Variants in LNX1 observed in about 807,000 individuals in gnomAD.
LNX1 encodes the protein E3 ubiquitin-protein ligase LNX.
LNX1 carries 54 observed loss-of-function variants against 68.4 expected under a neutral mutation model. The observed-to-expected ratio is 0.79, with a 90% CI of 0.63 to 0.99. The LOEUF (loss-of-function observed/expected upper bound fraction) is 0.99. Ranked by LOEUF, LNX1 falls within the 50% of genes least tolerant of loss-of-function variation. The probability of loss-of-function intolerance (pLI) is 0.00; values close to 1 mark genes in which losing one functional copy is unlikely to be tolerated. For missense variants in LNX1, 906 were observed against 926.4 expected (o/e 0.98, Z 0.29); for synonymous variants, 336 against 350.0 (o/e 0.96, Z 0.45).
chr4:53,500,984 C>A (rs1286653312), intron 4 of LNX1, among the ~76,000 whole-genome samples: 5 of 152,100 alleles, frequency 3.3e-5, no homozygotes, highest in African/African-American at 1.2e-4. Context: ...ACCTAAACCG[C>A]TAGAGAATGT....
chr4:53,553,835 G>A (rs1309566790), intron 2 of LNX1, among the ~76,000 whole-genome samples: 3 of 152,174 alleles, frequency 2.0e-5, no homozygotes, highest in African/African-American at 7.2e-5. Context: ...AAGGCATCAG[G>A]TGACAATAAA....
chr4:53,569,690 G>T (rs1399726798), intron 2 of LNX1, among the ~76,000 whole-genome samples: 1 of 150,658 alleles, frequency 6.6e-6, no homozygotes, highest in Admixed American at 6.6e-5. Flanking sequence ...AAGAGCTTCT[G>T]CACAGCAAAA....
intron 2 of LNX1, among the ~76,000 whole-genome samples, chr4:53,515,275 C>A (rs1579449414): frequency 6.6e-6 from 1 of 152,198 alleles, no homozygotes; most frequent in South Asian, 2.1e-4. Context: ...TAGCTGCGGG[C>A]AAGTTGTGGC....
chr4:53,465,248 C>A (rs1722587638), intron 9 of LNX1, among the ~76,000 whole-genome samples: 1 of 152,136 alleles, frequency 6.6e-6, no homozygotes, highest in African/African-American at 2.4e-5. Flanking sequence ...TCCTATCTTG[C>A]AGAGAAAATA....
At chr4:53,575,608 G>C (rs1731432330) in intron 1 of LNX1, 1 of 1,298,248 alleles carries the variant, frequency 7.7e-7, no homozygotes, top group Non-Finnish European at 9.8e-7. Context: ...ATCCCACCTT[G>C]GGACCAGGCC....
chr4:53,593,681 G>T (rs564677190), upstream of LNX1, among the ~76,000 whole-genome samples: 970 of 149,746 alleles, frequency 6.5e-3, 10 homozygotes, highest in African/African-American at 0.022. Context: ...CTTTTTTTTT[G>T]GGCCATTAGG....
At chr4:53,589,707 G>A (rs1164544859) in intron 1 of LNX1, among the ~76,000 whole-genome samples, 3 of 152,178 alleles carry the variant, frequency 2.0e-5, no homozygotes, top group African/African-American at 7.2e-5. Context: ...TTTCCATCAG[G>A]CCTATGTCCA....
chr4:53,465,431 A>G (rs937027478), intron 9 of LNX1, among the ~76,000 whole-genome samples: 11 of 152,178 alleles, frequency 7.2e-5, no homozygotes, highest in African/African-American at 2.7e-4. Flanking sequence ...ATATCACTAA[A>G]CACATTATTT....
chr4:53,471,386 C>T (rs553076971), intron 9 of LNX1, among the ~76,000 whole-genome samples: 2 of 152,184 alleles, frequency 1.3e-5, no homozygotes, highest in Admixed American at 6.5e-5. Flanking sequence ...ACCATAAAAA[C>T]CCTAGAAGAA....
At chr4:53,545,089 A>T (rs902309678) in intron 2 of LNX1, among the ~76,000 whole-genome samples, 18 of 152,186 alleles carry the variant, frequency 1.2e-4, no homozygotes, top group African/African-American at 4.3e-4. Context: ...TTGCAATAAG[A>T]TCCCTTTGAT....
chr4:53,607,979 A>T (rs1260266185), intron 2 of LNX1, among the ~76,000 whole-genome samples: 1 of 152,240 alleles, frequency 6.6e-6, no homozygotes, highest in Non-Finnish European at 1.5e-5. Flanking sequence ...AGATGAATTA[A>T]GAACTTAAAT....
intron 1 of LNX1, among the ~76,000 whole-genome samples, chr4:53,586,200 A>T (rs1229103567): frequency 6.6e-6 from 1 of 152,172 alleles, no homozygotes; most frequent in African/African-American, 2.4e-5. Context: ...ATGTAATATA[A>T]GTCAGACAAT....
At chr4:53,598,606 G>A (rs914664385) in intron 2 of LNX1, among the ~76,000 whole-genome samples, 3 of 152,076 alleles carry the variant, frequency 2.0e-5, no homozygotes, top group Non-Finnish European at 2.9e-5. Flanking sequence ...CGTACTCTCA[G>A]GACTTAGCCT....
intron 2 of LNX1, among the ~76,000 whole-genome samples, chr4:53,567,140 C>T (rs1297669318): frequency 7.0e-4 from 100 of 142,514 alleles, no homozygotes; most frequent in Non-Finnish European, 1.1e-3. Flanking sequence ...CTGCACCAAG[C>T]GGACCTAATA....
chr4:53,651,683 A>G (rs1735104766), intron 1 of LNX1, among the ~76,000 whole-genome samples: 1 of 152,224 alleles, frequency 6.6e-6, no homozygotes, highest in East Asian at 1.9e-4. Flanking sequence ...TGAGCAGGTC[A>G]CAGCTTCTCT....
At chr4:53,651,640 G>A (rs556193703) in intron 1 of LNX1, among the ~76,000 whole-genome samples, 1 of 152,300 alleles carries the variant, frequency 6.6e-6, no homozygotes, top group South Asian at 2.1e-4. Flanking sequence ...GAGACAGGAT[G>A]TGCTGCTGGT....
chr4:53,567,569 C>T (rs1446977645), intron 2 of LNX1, among the ~76,000 whole-genome samples: 1 of 152,124 alleles, frequency 6.6e-6, no homozygotes, highest in Non-Finnish European at 1.5e-5. Flanking sequence ...GACACCCTAA[C>T]ATCACAATTA....
At chr4:53,651,532 T>C (rs1270406472) in intron 1 of LNX1, among the ~76,000 whole-genome samples, 1 of 152,196 alleles carries the variant, frequency 6.6e-6, no homozygotes, top group Non-Finnish European at 1.5e-5. Flanking sequence ...AATTCCATCC[T>C]CTCATCAGAA....
intron 2 of LNX1, among the ~76,000 whole-genome samples, chr4:53,561,541 C>G (rs1730290583): frequency 6.6e-6 from 1 of 152,054 alleles, no homozygotes; most frequent in Non-Finnish European, 1.5e-5. Context: ...TGTATTTTTT[C>G]TTTCAATAAA....
Sources: allele counts gnomAD v4.1 joint callset (sites outside exome capture counted in the v4.1 genomes callset), GRCh38; gene constraint gnomAD v4.1.1; transcripts MANE v1.5; gene names NCBI Gene and HGNC (gene_info 2026-07-23, HGNC 2026-07-21).